The following CABLES1 variants were observed in gnomAD, a reference collection of about 807,000 sequenced individuals.
CABLES1 encodes Cdk5 and Abl enzyme substrate 1.
A neutral mutation model predicts 57.8 loss-of-function variants in CABLES1; 36 were observed. That is an observed-to-expected ratio of 0.62 (90% CI 0.48 to 0.82). The LOEUF (loss-of-function observed/expected upper bound fraction) is 0.82. Ranked by LOEUF, CABLES1 falls within the 40% of genes least tolerant of loss-of-function variation. The pLI is 0.00. For synonymous variants in CABLES1, 374 were observed against 363.0 expected (o/e 1.03, Z -0.35); for missense variants, 767 against 836.6 (o/e 0.92, Z 1.03).
chr18:23,181,275 C>T (rs1474165232), intron 1 of CABLES1, among the ~76,000 whole-genome samples: 1 of 151,986 alleles, frequency 6.6e-6, no homozygotes, highest in African/African-American at 2.4e-5. Context: ...GGGTGGATCA[C>T]CTGAGGTCAG....
chr18:23,248,054 CAG>C (rs2047942270), intron 7 of CABLES1, among the ~76,000 whole-genome samples: 1 of 152,254 alleles, frequency 6.6e-6, no homozygotes, highest in Non-Finnish European at 1.5e-5. Flanking sequence ...GTAAAAAAGA[CAG>C]AGCCTCTCCC....
intron 3 of CABLES1, among the ~76,000 whole-genome samples, chr18:23,198,976 A>T (rs2145032590): frequency 6.6e-6 from 1 of 152,394 alleles, no homozygotes; most frequent in South Asian, 2.1e-4. Context: ...ACATCCAGGC[A>T]TCAGATTGCA....
intron 3 of CABLES1, among the ~76,000 whole-genome samples, chr18:23,195,542 G>A (rs2047276070): frequency 6.6e-6 from 1 of 152,190 alleles, no homozygotes; most frequent in South Asian, 2.1e-4. Context: ...AACAATTACA[G>A]TTTTTACAGG....
chr18:23,228,862 G>T (rs562550131), intron 4 of CABLES1, among the ~76,000 whole-genome samples: 1 of 152,058 alleles, frequency 6.6e-6, no homozygotes, highest in Non-Finnish European at 1.5e-5. Flanking sequence ...GCTCCTCTAG[G>T]TACATGTGGC....
rs115670192 is a variant in CABLES1, at chr18:23,195,820, G to C, written c.1010+1280G>C. On this transcript the variant is annotated intron_variant, in intron 3 of 9. Transcript: ENST00000256925. ...TGTGCTTTATTTAACCATTGCTATT[G>C]TTTTCTTTTGAGGCTTTTACTTACA... Among the ~76,000 whole-genome samples the C allele has an allele frequency of 8.4e-3, 1,282 of 152,030 alleles. 10 individuals are homozygous for C. The highest frequency in any genetic ancestry group is 0.024 in the Middle Eastern group (7 of 294).
At chr18:23,247,604 A>G (rs2145118770) in intron 7 of CABLES1, among the ~76,000 whole-genome samples, 1 of 152,352 alleles carries the variant, frequency 6.6e-6, no homozygotes, top group Admixed American at 6.5e-5. Context: ...TGGAGAAGCC[A>G]GAGGAGCAAA....
At chr18:23,225,213 C>T (rs1278021599) in intron 4 of CABLES1, among the ~76,000 whole-genome samples, 1 of 152,222 alleles carries the variant, frequency 6.6e-6, no homozygotes, top group Non-Finnish European at 1.5e-5. Flanking sequence ...TTGAACTTAG[C>T]AGTTCCCAGT....
chr18:23,195,954 A>T (rs1271363154), intron 3 of CABLES1, among the ~76,000 whole-genome samples: 1 of 152,204 alleles, frequency 6.6e-6, no homozygotes, highest in African/African-American at 2.4e-5. Context: ...GAAAGCCTTT[A>T]ATTTCTCAAT....
chr18:23,175,249 T>C (rs1231295188), intron 1 of CABLES1, among the ~76,000 whole-genome samples: 1 of 152,220 alleles, frequency 6.6e-6, no homozygotes, highest in African/African-American at 2.4e-5. Context: ...AATATTATAC[T>C]CTCAAGTTTA....
chr18:23,189,681 TC>T (rs370852346), intron 2 of CABLES1, among the ~76,000 whole-genome samples: 139 of 152,302 alleles, frequency 9.1e-4, no homozygotes, highest in African/African-American at 3.1e-3. Flanking sequence ...CCTGTGGACT[TC>T]CATCAGCTCC....
At chr18:23,210,982 G>A (rs566276666) in intron 3 of CABLES1, among the ~76,000 whole-genome samples, 1 of 152,198 alleles carries the variant, frequency 6.6e-6, no homozygotes, top group South Asian at 2.1e-4. Context: ...CATATTCATA[G>A]TTGCTAAACT....
chr18:23,243,966 T>C (rs1365404578), intron 7 of CABLES1, among the ~76,000 whole-genome samples: 1 of 152,178 alleles, frequency 6.6e-6, no homozygotes, highest in African/African-American at 2.4e-5. Flanking sequence ...TCTCAGATTT[T>C]TGACAGTCGC....
chr18:23,248,017 A>AC (rs2047941008), intron 7 of CABLES1, among the ~76,000 whole-genome samples: 2 of 152,236 alleles, frequency 1.3e-5, no homozygotes, highest in East Asian at 3.9e-4. Flanking sequence ...CCAGCTGCAG[A>AC]CCCCAAGAGC....
intron 1 of CABLES1, among the ~76,000 whole-genome samples, chr18:23,148,291 C>G (rs1598798453): frequency 2.0e-5 from 3 of 152,214 alleles, no homozygotes; most frequent in East Asian, 3.9e-4. Context: ...GTCTGGCCCG[C>G]TTGGCCCCCA....
intron 4 of CABLES1, chr18:23,219,191 G>A (rs2047467389): frequency 2.0e-5 from 9 of 454,018 alleles, no homozygotes; most frequent in South Asian, 1.4e-4. Context: ...GGGTACACTG[G>A]TGAAAGAGAA....
At chr18:23,256,194 G>A (rs1192310899) in intron 9 of CABLES1, among the ~76,000 whole-genome samples, 1 of 152,254 alleles carries the variant, frequency 6.6e-6, no homozygotes, top group Non-Finnish European at 1.5e-5. Context: ...CTGGGTTGAC[G>A]CCAAGGCAGA....
At chr18:23,241,963 G>T (rs1445110049) in intron 7 of CABLES1, among the ~76,000 whole-genome samples, 1 of 152,036 alleles carries the variant, frequency 6.6e-6, no homozygotes, top group Non-Finnish European at 1.5e-5. Flanking sequence ...GAAGGTCAAG[G>T]GTGAGATTTT....
chr18:23,183,224 A>C (rs1351789002), intron 1 of CABLES1, among the ~76,000 whole-genome samples: 1 of 152,324 alleles, frequency 6.6e-6, no homozygotes, highest in South Asian at 2.1e-4. Context: ...TTGTCACTCC[A>C]GCCACAGGTT....
At chr18:23,200,447 A>G (rs1183519879) in intron 3 of CABLES1, among the ~76,000 whole-genome samples, 1 of 152,000 alleles carries the variant, frequency 6.6e-6, no homozygotes, top group African/African-American at 2.4e-5. Flanking sequence ...CTTTTTTAGT[A>G]GAGACGGGGT....
Sources: allele counts gnomAD v4.1 joint callset (sites outside exome capture counted in the v4.1 genomes callset), GRCh38; gene constraint gnomAD v4.1.1; transcripts MANE v1.5; gene names NCBI Gene and HGNC (gene_info 2026-07-23, HGNC 2026-07-21).